Variants in NNT observed in about 807,000 individuals in gnomAD.
NNT encodes NAD(P) transhydrogenase, mitochondrial.
Under a neutral mutation model 104.8 loss-of-function variants are expected in NNT, and 50 were observed. That is an observed-to-expected ratio of 0.48 (90% confidence interval 0.38 to 0.60). The LOEUF (loss-of-function observed/expected upper bound fraction) is 0.60, where lower values mean the gene tolerates loss of function less well. Among genes scored for constraint, NNT ranks in the 20% least tolerant of loss-of-function variants. The pLI is 0.00. For synonymous variants in NNT, 461 were observed against 490.4 expected, an observed-to-expected ratio of 0.94 and a Z score of 0.79; for missense variants, 1,131 against 1,330.7, an observed-to-expected ratio of 0.85 and a Z score of 2.33.
chr5:43,622,591 C>T lies in NNT; in HGVS notation c.688-1441C>T, dbSNP rs1213275613. ...CCCGTACTATTTCTTGAGCATATGC[C>T]TACGGTGTAACAGTTAGCAGTAAGT... On this transcript the variant is annotated intron_variant, in intron 5 of 21. Coordinates refer to ENST00000344920, the MANE Select transcript of NNT (RefSeq NM_182977.3). 2.6e-5 allele frequency among the ~76,000 whole-genome samples: 4 copies of T among 152,134 alleles called. No individual in the cohort carries two copies. In the East Asian group the frequency reaches 7.7e-4, roughly 29 times the overall value.
At chr5:43,607,476 C>G (rs1249634405) in intron 1 of NNT, among the ~76,000 whole-genome samples, 1 of 152,196 alleles carries the variant, frequency 6.6e-6, no homozygotes, top group African/African-American at 2.4e-5. Flanking sequence ...TCCTATAAAA[C>G]TGCCCCACCC....
intron 19 of NNT, among the ~76,000 whole-genome samples, chr5:43,678,628 G>A (rs1741547773): frequency 6.6e-6 from 1 of 152,126 alleles, no homozygotes; most frequent in African/African-American, 2.4e-5. Context: ...AAAAACAAAA[G>A]GTCTTAAAAG....
chr5:43,672,336 T>G (rs577949283), intron 17 of NNT, among the ~76,000 whole-genome samples: 3 of 152,364 alleles, frequency 2.0e-5, no homozygotes, highest in South Asian at 4.1e-4. Flanking sequence ...AGGAGCTGCG[T>G]TCCTTTGGAG....
intron 10 of NNT, among the ~76,000 whole-genome samples, chr5:43,647,105 G>A (rs573333984): frequency 2.5e-4 from 38 of 152,328 alleles, no homozygotes; most frequent in African/African-American, 8.4e-4. Context: ...AATTCTTGTA[G>A]AGTCATCATT....
In NNT at chr5:43,628,402, A is replaced by T; in HGVS notation, c.964+15A>T. On this transcript the variant is annotated intron_variant, in intron 7 of 21. Transcript: ENST00000344920. Reference sequence around the variant, plus strand: ...ACTTATTCCAGGTATGCCATTAAGTAAACGGTTATTTTAAAAGCACTTTTA... The same window carrying T: ...ACTTATTCCAGGTATGCCATTAAGTTAACGGTTATTTTAAAAGCACTTTTA... The T allele has an allele frequency of 6.5e-7, 1 of 1,547,700 alleles. No individual in the cohort carries two copies. Among genetic ancestry groups the T allele is most frequent in the East Asian group, 2.4e-5 (1 of 42,506 alleles).
intron 5 of NNT, among the ~76,000 whole-genome samples, chr5:43,622,793 C>T (rs954571495): frequency 7.3e-5 from 11 of 151,276 alleles, no homozygotes; most frequent in Non-Finnish European, 1.0e-4. Flanking sequence ...TTACTCCATG[C>T]TTTAGAGAGA....
At position 43,616,635 on chromosome 5, in the gene NNT, G is replaced by A. The variant is rs141614808; in HGVS notation, c.599+570G>A. On this transcript the variant is annotated intron_variant, in intron 4 of 21. Coordinates refer to ENST00000344920, the MANE Select transcript of NNT (RefSeq NM_182977.3). ...GTCAAGATGGTAATAAGCTTCATTT[G>A]CCCAATAGCACTAATACATTCTATG... Among the ~76,000 whole-genome samples, 4 of 152,254 alleles carry A rather than the reference G, an allele frequency of 2.6e-5. 1 individual carries two copies. In the East Asian group the frequency reaches 7.7e-4, roughly 29 times the overall value.
In NNT at chr5:43,645,568, T is replaced by C. The variant is rs1385053481; in HGVS notation, c.1444+58T>C. ...ATTGTTTGATTTTGCAAGTTATATA[T>C]ATATATATCTATAGATATATGTGTA... On this transcript the variant is annotated intron_variant, in intron 10 of 21. Coordinates refer to ENST00000344920, the MANE Select transcript of NNT (RefSeq NM_182977.3). 2.8e-6 allele frequency: 3 copies of C among 1,059,544 alleles called. No individual in the cohort carries two copies. In the African/African-American group the frequency reaches 5.1e-5, roughly 18 times the overall value. The allele number at this position is 1,059,544 out of a possible 1,614,324, so 65.6% of individuals were successfully genotyped here.
chr5:43,686,110 T>C (rs1216714234), intron 19 of NNT, among the ~76,000 whole-genome samples: 1 of 152,022 alleles, frequency 6.6e-6, no homozygotes, highest in Non-Finnish European at 1.5e-5. Context: ...ATTATTCTAC[T>C]TTTTTTGAAC....
chr5:43,658,953 T>C (rs972020187), intron 16 of NNT, among the ~76,000 whole-genome samples: 1 of 152,112 alleles, frequency 6.6e-6, no homozygotes, highest in Middle Eastern at 3.2e-3. Flanking sequence ...TTTTTTAAAA[T>C]GTAGGGATTT....
chr5:43,702,811 C>A, intron 21 of NNT, 75 bp downstream of exon 21: 2 of 1,076,276 alleles, frequency 1.9e-6, no homozygotes, highest in Non-Finnish European at 2.7e-6. Context: ...TTTCTTTGAT[C>A]ATTTGATAAG....
In NNT at chr5:43,649,185, A is replaced by G. The variant is rs1739617642; in HGVS notation, c.1483A>G (p.Asn495Asp). Reference protein sequence around the residue: ...GILGLGIAAPNLAFSQMVTTF... With the variant: ...GILGLGIAAPDLAFSQMVTTF... ...ACTGGGTTTGGGCATTGCGGCTCCC[A>G]ATCTAGCCTTTTCTCAGATGGTGAC... The change falls in exon 11 of 22, where the codon AAT (asparagine) becomes GAT (aspartate). Residue 495 changes from asparagine (N) to aspartate (D), a missense_variant. Physicochemically the swap from Asn to Asp is conservative, Grantham distance 23 (BLOSUM62 1). Transcript: ENST00000344920. 6.2e-7 allele frequency: 1 copy of G among 1,614,202 alleles called. No homozygotes were observed. The highest frequency in any genetic ancestry group is 1.1e-5 in the South Asian group (1 of 91,080).
At chr5:43,614,922 G>A (rs954516477) in intron 3 of NNT, among the ~76,000 whole-genome samples, 32 of 152,068 alleles carry the variant, frequency 2.1e-4, no homozygotes, top group Admixed American at 1.4e-3. Flanking sequence ...TGGATCATGA[G>A]GTCAGGAGAT....
intron 17 of NNT, among the ~76,000 whole-genome samples, chr5:43,663,960 T>C (rs1349417408): frequency 6.6e-6 from 1 of 152,238 alleles, no homozygotes; most frequent in Non-Finnish European, 1.5e-5. Context: ...GCAGAGTTAA[T>C]ATGGTACCAG....
intron 7 of NNT, among the ~76,000 whole-genome samples, chr5:43,630,636 C>A (rs1750627347): frequency 1.3e-5 from 2 of 152,210 alleles, no homozygotes; most frequent in Non-Finnish European, 2.9e-5. Flanking sequence ...GTACTCAGTG[C>A]ATGACTGATG....
intron 19 of NNT, among the ~76,000 whole-genome samples, chr5:43,694,624 T>C (rs962869044): frequency 1.3e-5 from 2 of 152,232 alleles, no homozygotes; most frequent in African/African-American, 4.8e-5. Context: ...ATCCCTGGGA[T>C]GAAGCCTACT....
At chr5:43,618,281 C>T (rs905112390) in intron 4 of NNT, among the ~76,000 whole-genome samples, 2 of 152,112 alleles carry the variant, frequency 1.3e-5, no homozygotes, top group Non-Finnish European at 2.9e-5. Context: ...TGCTTTTTGT[C>T]CTTACTTTAT....
intron 7 of NNT, among the ~76,000 whole-genome samples, chr5:43,632,653 C>T (rs889763887): frequency 2.6e-5 from 4 of 152,080 alleles, no homozygotes; most frequent in Admixed American, 2.6e-4. Flanking sequence ...GCTGACAGCC[C>T]CGCTTTGTGG....
At chr5:43,698,769 G>A (rs1361988058) in intron 19 of NNT, among the ~76,000 whole-genome samples, 1 of 151,580 alleles carries the variant, frequency 6.6e-6, no homozygotes, top group Non-Finnish European at 1.5e-5. Context: ...TGATAAGTGA[G>A]GACTTACTGT....
Sources: gnomAD v4.1 joint callset for allele counts (sites outside exome capture counted in the v4.1 genomes callset) on GRCh38, gnomAD v4.1.1 for gene constraint, MANE v1.5 for transcripts, NCBI Gene and HGNC (gene_info 2026-07-23, HGNC 2026-07-21) for gene names.